The following NKAIN3 variants were observed in gnomAD, a reference collection of about 807,000 sequenced individuals.
The protein encoded by NKAIN3 is sodium/potassium-transporting ATPase subunit beta-1-interacting protein 3.
A neutral mutation model predicts 30.2 loss-of-function variants in NKAIN3; 25 were observed. The observed-to-expected ratio is 0.83, with a 90% CI of 0.60 to 1.16. The LOEUF is 1.16. Among genes scored for constraint, NKAIN3 ranks in the 50% most tolerant of loss-of-function variants. NKAIN3 has a pLI of 0.00. For missense variants in NKAIN3, 225 were observed against 254.1 expected (o/e 0.89, Z 0.78); for synonymous variants, 91 against 89.6 (o/e 1.02, Z -0.09).
At chr8:62,718,138 A>G (rs955255862) in intron 3 of NKAIN3, among the ~76,000 whole-genome samples, 11 of 152,190 alleles carry the variant, frequency 7.2e-5, no homozygotes, top group African/African-American at 2.7e-4. Flanking sequence ...AGCATGAGAA[A>G]GACAAGCCCC....
chr8:62,588,494 T>C (rs1810549404), intron 2 of NKAIN3, among the ~76,000 whole-genome samples: 1 of 151,804 alleles, frequency 6.6e-6, no homozygotes, highest in Admixed American at 6.6e-5. Flanking sequence ...AGGACTATAC[T>C]ACTATATGAG....
At chr8:62,793,541 G>A (rs1192935728) in intron 4 of NKAIN3, among the ~76,000 whole-genome samples, 1 of 152,002 alleles carries the variant, frequency 6.6e-6, no homozygotes, top group Non-Finnish European at 1.5e-5. Context: ...TTTATGAGCT[G>A]GTTGTCCCTC....
At chr8:62,680,321 C>G (rs953149321) in intron 3 of NKAIN3, among the ~76,000 whole-genome samples, 1 of 152,176 alleles carries the variant, frequency 6.6e-6, no homozygotes, top group Non-Finnish European at 1.5e-5. Context: ...GAACTCTAAG[C>G]ACAATTCCAG....
chr8:62,303,279 G>T (rs776266922), intron 1 of NKAIN3, among the ~76,000 whole-genome samples: 2 of 150,326 alleles, frequency 1.3e-5, no homozygotes, highest in South Asian at 4.1e-4. Context: ...GCAAATTTCC[G>T]CATTCTAATT....
intron 1 of NKAIN3, among the ~76,000 whole-genome samples, chr8:62,397,191 C>A (rs1646674234): frequency 6.6e-6 from 1 of 152,030 alleles, no homozygotes; most frequent in African/African-American, 2.4e-5. Flanking sequence ...TCCTTGCTAC[C>A]ACCCTGATAT....
chr8:62,781,579 G>T (rs1254161471), intron 4 of NKAIN3, among the ~76,000 whole-genome samples: 1 of 151,778 alleles, frequency 6.6e-6, no homozygotes, highest in South Asian at 2.1e-4. Flanking sequence ...AAAAATAGAT[G>T]CATGGACCAA....
chr8:62,696,423 G>A (rs1251293422), intron 3 of NKAIN3, among the ~76,000 whole-genome samples: 2 of 152,090 alleles, frequency 1.3e-5, no homozygotes, highest in Non-Finnish European at 2.9e-5. Flanking sequence ...TCCTAGTAAG[G>A]ATTGGATTAA....
intron 6 of NKAIN3, among the ~76,000 whole-genome samples, chr8:62,957,556 A>G (rs552513026): frequency 6.6e-6 from 1 of 152,308 alleles, no homozygotes; most frequent in African/African-American, 2.4e-5. Context: ...GAAATGAGCT[A>G]TGGCATCATG....
At chr8:62,444,722 C>T (rs1346779235) in intron 1 of NKAIN3, among the ~76,000 whole-genome samples, 1 of 152,136 alleles carries the variant, frequency 6.6e-6, no homozygotes, top group Non-Finnish European at 1.5e-5. Context: ...CAAATATACA[C>T]CCAATAACAA....
At chr8:62,470,786 C>CA (rs932443379) in intron 1 of NKAIN3, among the ~76,000 whole-genome samples, 2 of 151,542 alleles carry the variant, frequency 1.3e-5, no homozygotes, top group Non-Finnish European at 2.9e-5. Context: ...CTCTCACATA[C>CA]AAAAAATATT....
At chr8:62,933,475 T>G (rs1263747678) in intron 5 of NKAIN3, among the ~76,000 whole-genome samples, 1 of 152,134 alleles carries the variant, frequency 6.6e-6, no homozygotes, top group Admixed American at 6.5e-5. Context: ...AAAAAATGTA[T>G]TACATAGGAA....
intron 4 of NKAIN3, among the ~76,000 whole-genome samples, chr8:62,769,147 T>A (rs1403422927): frequency 3.3e-5 from 5 of 152,198 alleles, no homozygotes; most frequent in Non-Finnish European, 7.4e-5. Context: ...TCTAGTCTAG[T>A]GATCAAACAA....
At chr8:62,849,892 G>A (rs1819829972) in intron 4 of NKAIN3, among the ~76,000 whole-genome samples, 1 of 152,024 alleles carries the variant, frequency 6.6e-6, no homozygotes, top group African/African-American at 2.4e-5. Context: ...CTTTGCTATT[G>A]TGAATAGTGC....
chr8:62,662,161 G>C (rs1006180978), intron 3 of NKAIN3, among the ~76,000 whole-genome samples: 1 of 152,074 alleles, frequency 6.6e-6, no homozygotes, highest in African/African-American at 2.4e-5. Context: ...TGTGCTGCAC[G>C]AGAGCCCAGG....
Position 62,797,500 on chromosome 8 carries a change from T to C in NKAIN3, c.471+50371T>C, listed in dbSNP as rs191945930. Among the ~76,000 whole-genome samples, 381 of 152,318 alleles carry C rather than the reference T, an allele frequency of 2.5e-3. 1 individual carries two copies. The highest frequency in any genetic ancestry group is 4.2e-3 in the Non-Finnish European group (285 of 68,018). On this transcript the variant is annotated intron_variant, in intron 4 of 6. Coordinates refer to ENST00000623646, the MANE Select transcript of NKAIN3 (RefSeq NM_001304533.3). ...GATGCAAAATGGAGTGCCCTTCCAT[T>C]GTTTACCTGTGTCTCCTGCCAGACA...
rs192391001 is a variant in NKAIN3, at chr8:62,350,688, T to G, written c.54+101561T>G. On this transcript the variant is annotated intron_variant, in intron 1 of 6. Coordinates refer to ENST00000623646, the MANE Select transcript of NKAIN3 (RefSeq NM_001304533.3). ...CCTTAGAGAGTAATGAGCTTTTTAA[T>G]TTTTATTTATTTATTTATTTGAGAC... Among the ~76,000 whole-genome samples the G allele has an allele frequency of 1.5e-3, 235 of 152,102 alleles. 2 individuals are homozygous for G. Among genetic ancestry groups the G allele is most frequent in the Non-Finnish European group, 2.2e-3 (152 of 67,974 alleles).
At chr8:62,699,121 G>T (rs1056475379) in intron 3 of NKAIN3, among the ~76,000 whole-genome samples, 1 of 151,888 alleles carries the variant, frequency 6.6e-6, no homozygotes, top group African/African-American at 2.4e-5. Flanking sequence ...ACACATTATC[G>T]CTTAATAATT....
intron 3 of NKAIN3, among the ~76,000 whole-genome samples, chr8:62,621,315 T>C (rs1811613099): frequency 1.3e-5 from 2 of 152,132 alleles, no homozygotes; most frequent in African/African-American, 2.4e-5. Flanking sequence ...GATCATGACC[T>C]CTGCAGTTCT....
At chr8:62,744,202 T>A (rs1815996923) in intron 3 of NKAIN3, among the ~76,000 whole-genome samples, 1 of 152,164 alleles carries the variant, frequency 6.6e-6, no homozygotes, top group African/African-American at 2.4e-5. Context: ...GCATGCCAAA[T>A]CACTATATTT....
Sources: gnomAD v4.1 joint callset for allele counts (sites outside exome capture counted in the v4.1 genomes callset) on GRCh38, gnomAD v4.1.1 for gene constraint, MANE v1.5 for transcripts, NCBI Gene and HGNC (gene_info 2026-07-23, HGNC 2026-07-21) for gene names.